The following ROS1 variants were observed in gnomAD, a reference collection of about 807,000 sequenced individuals.
The protein encoded by ROS1 is ROS proto-oncogene 1, receptor tyrosine kinase.
A neutral mutation model predicts 273.5 loss-of-function variants in ROS1; 263 were observed. The ratio of observed to expected loss-of-function variants is 0.96; its 90% CI spans 0.87 to 1.06. The LOEUF (loss-of-function observed/expected upper bound fraction) is 1.06. ROS1 is among the 50% of genes least tolerant of loss of function. The probability of loss-of-function intolerance (pLI) is 0.00; values close to 1 mark genes in which losing one functional copy is unlikely to be tolerated. For synonymous variants in ROS1, 1,008 were observed against 954.1 expected, an observed-to-expected ratio of 1.06 and a Z score of -1.04; for missense variants, 2,833 against 2,751.1, an observed-to-expected ratio of 1.03 and a Z score of -0.67.
At chr6:117,417,536 C>T (rs1775426309) in intron 2 of ROS1, among the ~76,000 whole-genome samples, 2 of 152,164 alleles carry the variant, frequency 1.3e-5, no homozygotes, top group South Asian at 4.1e-4. Flanking sequence ...TTATCTAAAA[C>T]TCTGTATGTC....
At chr6:117,314,072 CA>C (rs1775732708) in intron 39 of ROS1, among the ~76,000 whole-genome samples, 3 of 151,674 alleles carry the variant, frequency 2.0e-5, no homozygotes, top group Admixed American at 1.3e-4. Flanking sequence ...TTTTTCAGTC[CA>C]TCCTTTTTCA....
chr6:117,352,883 G>C (rs1315345870), intron 27 of ROS1, 107 bp downstream of exon 27: 1 of 972,518 alleles, frequency 1.0e-6, no homozygotes, highest in Non-Finnish European at 1.6e-6. Context: ...GCAAGGATGA[G>C]AGCACAACAA....
At chr6:117,403,981 A>T (rs1218934392) in intron 6 of ROS1, among the ~76,000 whole-genome samples, 4 of 152,222 alleles carry the variant, frequency 2.6e-5, no homozygotes, top group Admixed American at 2.6e-4. Context: ...TCATGCCTGT[A>T]ATCCCAGCAC....
At chr6:117,423,258 G>T (rs570148570) in intron 1 of ROS1, among the ~76,000 whole-genome samples, 24 of 152,164 alleles carry the variant, frequency 1.6e-4, no homozygotes, top group African/African-American at 5.5e-4. Flanking sequence ...CACCACTAAA[G>T]AATTTACTCA....
chr6:117,320,607 T>C (rs1040869319), intron 36 of ROS1, among the ~76,000 whole-genome samples: 2 of 152,160 alleles, frequency 1.3e-5, no homozygotes, highest in Non-Finnish European at 2.9e-5. Context: ...GTAGCAGATA[T>C]GCTGAGTATT....
intron 27 of ROS1, among the ~76,000 whole-genome samples, chr6:117,347,251 T>C (rs529737532): frequency 1.3e-5 from 2 of 152,262 alleles, no homozygotes; most frequent in South Asian, 4.1e-4. Flanking sequence ...CAGGGTTTTA[T>C]AGTTTTTCTC....
At chr6:117,311,495 A>G (rs1397415974) in intron 39 of ROS1, among the ~76,000 whole-genome samples, 1 of 152,146 alleles carries the variant, frequency 6.6e-6, no homozygotes, top group Non-Finnish European at 1.5e-5. Flanking sequence ...AATGGGCAAT[A>G]ATACTGACCT....
chr6:117,322,971 A>T (rs561578131), intron 35 of ROS1, among the ~76,000 whole-genome samples: 25 of 152,322 alleles, frequency 1.6e-4, no homozygotes, highest in Admixed American at 1.4e-3. Context: ...GTGATGTACA[A>T]GAAAGCAAGC....
chr6:117,412,605 C>CAGAT (rs3836982), intron 4 of ROS1, among the ~76,000 whole-genome samples: 10,883 of 151,210 alleles, frequency 0.072, 418 homozygotes, highest in Admixed American at 0.084. Flanking sequence ...GATAGATAGA[C>CAGAT]AGATAGATAG....
intron 24 of ROS1, 115 bp from the exon 25 acceptor site, chr6:117,358,124 AC>A: frequency 1.5e-6 from 1 of 669,604 alleles, no homozygotes; most frequent in Non-Finnish European, 2.5e-6. Flanking sequence ...GTAATCCCAA[AC>A]CTCAGCAATC....
intron 21 of ROS1, among the ~76,000 whole-genome samples, chr6:117,363,309 A>G (rs1779960295): frequency 6.6e-6 from 1 of 152,214 alleles, no homozygotes; most frequent in Non-Finnish European, 1.5e-5. Flanking sequence ...AACACAGCAT[A>G]AATCAGAGAC....
intron 38 of ROS1, among the ~76,000 whole-genome samples, chr6:117,317,876 C>T (rs1175150960): frequency 6.6e-6 from 1 of 152,094 alleles, no homozygotes; most frequent in African/African-American, 2.4e-5. Flanking sequence ...ACTGGGTATA[C>T]TTGACCATTA....
At chr6:117,351,340 G>T (rs1413886387) in intron 27 of ROS1, among the ~76,000 whole-genome samples, 1 of 152,138 alleles carries the variant, frequency 6.6e-6, no homozygotes, top group Non-Finnish European at 1.5e-5. Flanking sequence ...AGGTCCAGCT[G>T]TGATTAGTGT....
intron 4 of ROS1, among the ~76,000 whole-genome samples, chr6:117,410,081 T>C (rs1279451140): frequency 6.6e-6 from 1 of 152,220 alleles, no homozygotes; most frequent in Non-Finnish European, 1.5e-5. Context: ...CACAATCTAA[T>C]TTTAGAACAT....
Position 117,319,946 on chromosome 6 carries a change from T to A in ROS1, c.5844A>T (p.Gly1948=). The A allele has an allele frequency of 6.2e-7, 1 of 1,613,472 alleles. No homozygotes were observed. The highest frequency in any genetic ancestry group is 8.5e-7 in the Non-Finnish European group (1 of 1,179,612). The change falls in exon 37 of 44, where the codon GGA becomes GGT. Residue 1948 remains glycine, a synonymous_variant. Transcript: ENST00000368507. The part of the protein sequence containing the change: ...KLTLRLLLGS[G]AFGEVYEGTA... ...TTCCTTCATACACTTCTCCAAAGGC[T>A]CCACTTCCCAGCAAGAGACGCAGAG...
intron 1 of ROS1, among the ~76,000 whole-genome samples, chr6:117,419,961 A>G (rs184019048): frequency 6.3e-4 from 96 of 152,244 alleles, no homozygotes; most frequent in Non-Finnish European, 9.0e-4. Context: ...ATCTCCACTC[A>G]TTCCCCATTC....
In ROS1 at chr6:117,324,362, A is replaced by G. The variant is rs1354660665; in HGVS notation, c.5593T>C (p.Phe1865Leu). The G allele has an allele frequency of 1.2e-5, 19 of 1,529,828 alleles. No homozygotes were observed. The highest frequency in any genetic ancestry group is 1.7e-5 in the Non-Finnish European group (19 of 1,110,488). 94.8% of individuals were successfully genotyped at this position (1,529,828 alleles called of 1,614,324 possible). A position where few individuals can be genotyped will look rare whatever the true frequency, so the allele number is the denominator to read the frequency against. ...SFILTIIVGI[F>L]LVVTIPLTFV... ...GTCAGTGGGATTGTAACAACCAGAA[A>G]TATTCCAACTATAATAGTAAGTATG... The change falls in exon 35 of 44, where the codon TTT becomes CTT. Residue 1865 changes from phenylalanine to leucine, a missense_variant. Transcript: ENST00000368507.
At chr6:117,292,238 G>C (rs529251272) in intron 43 of ROS1, among the ~76,000 whole-genome samples, 2 of 152,196 alleles carry the variant, frequency 1.3e-5, no homozygotes, top group Admixed American at 1.3e-4. Context: ...CCAAAGTGCT[G>C]GGATTACAGG....
At chr6:117,298,408 C>T (rs1315388161) in intron 43 of ROS1, among the ~76,000 whole-genome samples, 4 of 152,106 alleles carry the variant, frequency 2.6e-5, no homozygotes, top group Non-Finnish European at 5.9e-5. Context: ...CCATGTTTTG[C>T]CTGTCTTTCA....
Sources: allele counts gnomAD v4.1 joint callset (sites outside exome capture counted in the v4.1 genomes callset), GRCh38; gene constraint gnomAD v4.1.1; transcripts MANE v1.5; gene names NCBI Gene and HGNC (gene_info 2026-07-23, HGNC 2026-07-21).